The following PARP8 variants were observed in gnomAD, a reference collection of about 807,000 sequenced individuals.
The protein encoded by PARP8 is poly(ADP-ribose) polymerase family member 8.
A neutral mutation model predicts 124.1 loss-of-function variants in PARP8; 51 were observed. The ratio of observed to expected loss-of-function variants is 0.41; its 90% confidence interval spans 0.33 to 0.52. The LOEUF (loss-of-function observed/expected upper bound fraction) is 0.52, where lower values mean the gene tolerates loss of function less well. PARP8 is among the 20% of genes least tolerant of loss of function. The pLI, the probability that PARP8 is intolerant of heterozygous loss-of-function variation, is 0.21. For missense variants in PARP8, 860 were observed against 1,018.9 expected (o/e 0.84, Z 2.12); for synonymous variants, 391 against 361.5 (o/e 1.08, Z -0.93).
chr5:50,830,001 GT>G, intron 22 of PARP8, 40 bp downstream of exon 22: 2 of 1,587,878 alleles, frequency 1.3e-6, no homozygotes, highest in South Asian at 2.3e-5. Context: ...CATTTATTAG[GT>G]TTTAATTTTC....
rs1170305395 is a variant in PARP8 at position 50,824,771 on chromosome 5, G to A, written c.1861-137G>A. ...CTTGGGAGAAAAGACTAGGGCAATT[G>A]TTGTTGTTCCCATGTTAAGTCCATA... On this transcript the variant is annotated intron_variant, in intron 17 of 25. Coordinates refer to ENST00000281631, the MANE Select transcript of PARP8 (RefSeq NM_024615.4). 3 of 654,536 alleles carry A rather than the reference G, an allele frequency of 4.6e-6. No homozygotes were observed. The African/African-American group carries it at 5.5e-5, about 12-fold the overall frequency. 40.5% of individuals were successfully genotyped at this position (654,536 alleles called of 1,614,324 possible). A position where few individuals can be genotyped will look rare whatever the true frequency, so the allele number is the denominator to read the frequency against.
At chr5:50,809,544 TA>T (rs1302581262) in intron 14 of PARP8, among the ~76,000 whole-genome samples, 1 of 152,080 alleles carries the variant, frequency 6.6e-6, no homozygotes, top group Non-Finnish European at 1.5e-5. Context: ...GGTTCCCTTA[TA>T]TTAATACTTA....
intron 3 of PARP8, 27 bp downstream of exon 3, chr5:50,750,215 T>C (rs1295229596): frequency 1.9e-6 from 3 of 1,542,722 alleles, no homozygotes; most frequent in Non-Finnish European, 2.7e-6. Context: ...TTATTACAGA[T>C]ATTCGTATCA....
chr5:50,748,729 G>A (rs2149549184), intron 2 of PARP8, among the ~76,000 whole-genome samples: 2 of 152,164 alleles, frequency 1.3e-5, no homozygotes, highest in African/African-American at 4.8e-5. Context: ...GTAATATGTC[G>A]TTTTATTTTT....
chr5:50,793,202 G>A (rs1742157675), intron 10 of PARP8, among the ~76,000 whole-genome samples: 1 of 152,114 alleles, frequency 6.6e-6, no homozygotes, highest in South Asian at 2.1e-4. Context: ...ACAAATATTG[G>A]TATCATTTTC....
At chr5:50,754,116 C>CATAT (rs373375463) in intron 3 of PARP8, among the ~76,000 whole-genome samples, 927 of 64,056 alleles carry the variant, frequency 0.014, 6 homozygotes, top group South Asian at 0.018. Flanking sequence ...TGAAAACATT[C>CATAT]ATATATATAT....
At chr5:50,751,637 G>A (rs1053427720) in intron 3 of PARP8, among the ~76,000 whole-genome samples, 5 of 151,948 alleles carry the variant, frequency 3.3e-5, no homozygotes, top group Non-Finnish European at 7.4e-5. Context: ...TCTCAATGCC[G>A]GTCTGTAGGA....
rs1742371584 is a variant in PARP8, at chr5:50,795,020, T to C, written c.1031T>C (p.Leu344Ser). 1 of 1,614,082 alleles carries C rather than the reference T, an allele frequency of 6.2e-7. No individual in the cohort carries two copies. The highest frequency in any genetic ancestry group is 8.5e-7 in the Non-Finnish European group (1 of 1,180,042). Residue 344 changes from leucine (L) to serine (S), a missense_variant, in exon 12 of 26, where the codon TTG becomes TCG. Around this residue, in one of 2 missense-constraint regions of PARP8, gnomAD observed 517 missense variants for 544.2 expected, o/e 0.95. Transcript: ENST00000281631. ...TKSHRTFGRS[L>S]SSDPRAEQAM... ...TCACACAGGACCTTTGGCCGCTCCT[T>C]GTCCAGCGATCCCAGGGCGGAGCAG...
At chr5:50,739,732 A>ATT (rs1230937798) in intron 2 of PARP8, among the ~76,000 whole-genome samples, 154 of 44,142 alleles carry the variant, frequency 3.5e-3, no homozygotes, top group Admixed American at 6.7e-3. Context: ...ATATATATAT[A>ATT]TTTTTTTTTT....
At chr5:50,830,862 G>A (rs773888246) in intron 22 of PARP8, among the ~76,000 whole-genome samples, 6 of 151,324 alleles carry the variant, frequency 4.0e-5, no homozygotes, top group Admixed American at 6.6e-5. Context: ...ATGTGATCAC[G>A]TTACACGTTT....
chr5:50,675,257 A>G (rs140100562), intron 2 of PARP8, among the ~76,000 whole-genome samples: 2,250 of 152,282 alleles, frequency 0.015, 58 homozygotes, highest in African/African-American at 0.052. Flanking sequence ...GGATTTGTCA[A>G]CTAACTCTGA....
At position 50,821,273 on chromosome 5, in the gene PARP8, A is replaced by G; in HGVS notation, c.1729A>G (p.Ile577Val). ...GTTGGAATCTCCTAGAAAAGTTGTG[A>G]TTTTCGAGCCATATCCTTCTGTGGT... ...SALESPRKVV[I>V]FEPYPSVVDP... Residue 577 changes from isoleucine to valine, a missense_variant, in exon 16 of 26, where the codon ATT (isoleucine) becomes GTT (valine). Physicochemically the swap from Ile to Val is conservative, Grantham distance 29. Around this residue, in one of 2 missense-constraint regions of PARP8, gnomAD observed 343 missense variants for 474.7 expected, o/e 0.72. Coordinates refer to ENST00000281631, the MANE Select transcript of PARP8 (RefSeq NM_024615.4). 6.3e-7 allele frequency: 1 copy of G among 1,599,818 alleles called. No individual in the cohort carries two copies. Among genetic ancestry groups the G allele is most frequent in the Non-Finnish European group, 8.5e-7 (1 of 1,174,504 alleles).
intron 14 of PARP8, among the ~76,000 whole-genome samples, chr5:50,813,757 A>G (rs1419852269): frequency 6.6e-6 from 1 of 152,098 alleles, no homozygotes; most frequent in East Asian, 1.9e-4. Context: ...TTATTTTGAG[A>G]TACACAATTT....
chr5:50,720,716 C>T (rs947855502), intron 2 of PARP8, among the ~76,000 whole-genome samples: 1 of 125,162 alleles, frequency 8.0e-6, no homozygotes, highest in Non-Finnish European at 1.7e-5. Context: ...AAATAAATAT[C>T]GGGGTCAACT....
chr5:50,783,748 A>C (rs558436118), intron 9 of PARP8, among the ~76,000 whole-genome samples: 1 of 152,216 alleles, frequency 6.6e-6, no homozygotes, highest in Non-Finnish European at 1.5e-5. Flanking sequence ...CTGAGAGCAC[A>C]TACTCATCTT....
In PARP8 at chr5:50,795,134, A is replaced by G. The variant is rs148154977; in HGVS notation, c.1145A>G (p.His382Arg). 10 of 1,614,240 alleles carry G rather than the reference A, an allele frequency of 6.2e-6. No homozygotes were observed. In the East Asian group the frequency reaches 6.7e-5, roughly 11 times the overall value. The change falls in exon 12 of 26, where the codon CAT (histidine) becomes CGT (arginine). Residue 382 changes from histidine (H) to arginine (R), a missense_variant. Transcript: ENST00000281631. Reference sequence around the variant, plus strand: ...GAGGAATGCCTAACTCTAAAGTCGCATAGACTATTGACTCGATCTTGTTCT... The same window carrying G: ...GAGGAATGCCTAACTCTAAAGTCGCGTAGACTATTGACTCGATCTTGTTCT... Reference protein sequence around the residue: ...KSEECLTLKSHRLLTRSCSGD... With the variant: ...KSEECLTLKSRRLLTRSCSGD...
chr5:50,723,291 G>A (rs1756089545), intron 2 of PARP8, among the ~76,000 whole-genome samples: 1 of 152,040 alleles, frequency 6.6e-6, no homozygotes, highest in South Asian at 2.1e-4. Context: ...AGGAAGCAAT[G>A]GAAAGGTATT....
chr5:50,725,092 TAC>T (rs1491525298), intron 2 of PARP8, among the ~76,000 whole-genome samples: 1 of 129,760 alleles, frequency 7.7e-6, no homozygotes, highest in Non-Finnish European at 1.7e-5. Context: ...TATATATATA[TAC>T]ACATATGTGT....
At chr5:50,751,069 T>C (rs529333910) in intron 3 of PARP8, among the ~76,000 whole-genome samples, 1 of 147,630 alleles carries the variant, frequency 6.8e-6, no homozygotes, top group African/African-American at 2.5e-5. Flanking sequence ...CTGAGTCAGA[T>C]CATAGAGATG....
Sources: allele counts gnomAD v4.1 joint callset (sites outside exome capture counted in the v4.1 genomes callset), GRCh38; gene constraint gnomAD v4.1.1; regional missense constraint gnomAD v4.1.1; transcripts MANE v1.5; gene names NCBI Gene and HGNC (gene_info 2026-07-23, HGNC 2026-07-21).